The following VEPH1 variants were observed in gnomAD, a reference collection of about 807,000 sequenced individuals.
VEPH1 encodes ventricular zone expressed PH domain containing 1.
In VEPH1, 80 loss-of-function variants were observed where a neutral mutation model predicts 85.2. That is an observed-to-expected ratio of 0.94 (90% CI 0.78 to 1.13). The LOEUF (loss-of-function observed/expected upper bound fraction) is 1.13. Ranked by LOEUF, VEPH1 falls within the 50% of genes most tolerant of loss-of-function variation. The pLI is 0.00. For missense variants in VEPH1, 955 were observed against 980.5 expected, an observed-to-expected ratio of 0.97 and a Z score of 0.35; for synonymous variants, 297 against 348.0, an observed-to-expected ratio of 0.85 and a Z score of 1.63.
chr3:157,271,489 G>T (rs149650305), intron 12 of VEPH1, among the ~76,000 whole-genome samples: 1 of 152,150 alleles, frequency 6.6e-6, no homozygotes, highest in Non-Finnish European at 1.5e-5. Context: ...ACACTCCTCC[G>T]CCTGAAGAGG....
At position 157,261,271 on chromosome 3, in the gene VEPH1, C is replaced by T. The variant is rs1181522325; in HGVS notation, c.2365G>A (p.Glu789Lys). The T allele has an allele frequency of 6.8e-6, 11 of 1,613,552 alleles. No individual in the cohort carries two copies. Among genetic ancestry groups the T allele is most frequent in the Admixed American group, 1.7e-5 (1 of 59,924 alleles). The change falls in exon 14 of 14, where the codon GAA (glutamate) becomes AAA (lysine). Residue 789 changes from glutamate (E) to lysine (K), a missense_variant. Physicochemically the swap from Glu to Lys is moderately conservative, Grantham distance 56 (BLOSUM62 1). Transcript: ENST00000362010. ...TAGGTTTTATTGTCTGTGAAGATTT[C>T]GAAAGCCCGGGGGAGAGAGCGGTCC... ...RRDRSLPRAF[E>K]IFTDNKTYVF... is the part of the protein sequence containing the mutation.
chr3:157,357,017 T>A (rs1262103318), intron 9 of VEPH1, among the ~76,000 whole-genome samples: 1 of 152,202 alleles, frequency 6.6e-6, no homozygotes, highest in Non-Finnish European at 1.5e-5. Context: ...TATTGCTATA[T>A]ACCCTTCTAT....
At chr3:157,379,949 G>A (rs967587835) in intron 7 of VEPH1, among the ~76,000 whole-genome samples, 2 of 152,184 alleles carry the variant, frequency 1.3e-5, no homozygotes, top group Admixed American at 6.5e-5. Flanking sequence ...AGGATCAAAT[G>A]AGATTACATA....
chr3:157,497,379 G>A (rs962119100), intron 1 of VEPH1, among the ~76,000 whole-genome samples: 1 of 152,172 alleles, frequency 6.6e-6, no homozygotes, highest in Non-Finnish European at 1.5e-5. Context: ...CTTTCAGAGG[G>A]AGGTGGAGCA....
chr3:157,275,341 T>G (rs1715241590), intron 12 of VEPH1, among the ~76,000 whole-genome samples: 1 of 152,152 alleles, frequency 6.6e-6, no homozygotes, highest in Admixed American at 6.5e-5. Flanking sequence ...TTTGGGAGGC[T>G]GAGGCGGGTG....
intron 7 of VEPH1, among the ~76,000 whole-genome samples, chr3:157,370,035 C>T (rs1394637339): frequency 1.3e-5 from 2 of 152,222 alleles, no homozygotes; most frequent in South Asian, 2.1e-4. Flanking sequence ...TTCTATAATC[C>T]CCTAAATATT....
chr3:157,281,243 A>C (rs1255748474), intron 12 of VEPH1, among the ~76,000 whole-genome samples: 1 of 152,106 alleles, frequency 6.6e-6, no homozygotes, highest in Admixed American at 6.6e-5. Context: ...GGGGAAAGGG[A>C]GAAAAGGAAG....
intron 2 of VEPH1, among the ~76,000 whole-genome samples, chr3:157,471,822 G>GT (rs1736986775): frequency 6.6e-6 from 1 of 150,880 alleles, no homozygotes; most frequent in Non-Finnish European, 1.5e-5. Flanking sequence ...ATTATTTTTA[G>GT]TTTTTTTGCT....
At chr3:157,292,111 G>T (rs190215616) in intron 11 of VEPH1, among the ~76,000 whole-genome samples, 1 of 152,050 alleles carries the variant, frequency 6.6e-6, no homozygotes, top group African/African-American at 2.4e-5. Flanking sequence ...TTTTCAGATC[G>T]TCTGTTCAGA....
intron 3 of VEPH1, among the ~76,000 whole-genome samples, chr3:157,464,884 T>C (rs1303396686): frequency 6.6e-6 from 1 of 152,244 alleles, no homozygotes; most frequent in Non-Finnish European, 1.5e-5. Context: ...AAAATAGGGT[T>C]CCTTGATTAT....
chr3:157,431,886 T>C (rs1733187122), intron 4 of VEPH1, among the ~76,000 whole-genome samples: 1 of 151,722 alleles, frequency 6.6e-6, no homozygotes, highest in Admixed American at 6.6e-5. Flanking sequence ...CTCACACTGT[T>C]GTCTGGGCTG....
At chr3:157,468,699 T>C (rs1281159387) in intron 3 of VEPH1, among the ~76,000 whole-genome samples, 1 of 152,184 alleles carries the variant, frequency 6.6e-6, no homozygotes. Flanking sequence ...TGAAGAAATA[T>C]ATTATCAAAA....
intron 6 of VEPH1, among the ~76,000 whole-genome samples, chr3:157,406,470 C>A (rs1002470343): frequency 6.6e-6 from 1 of 152,072 alleles, no homozygotes; most frequent in African/African-American, 2.4e-5. Flanking sequence ...TGTAGGCCTG[C>A]CGGATGTCAC....
chr3:157,282,281 C>G (rs931363680), intron 12 of VEPH1, among the ~76,000 whole-genome samples: 1 of 152,068 alleles, frequency 6.6e-6, no homozygotes, highest in African/African-American at 2.4e-5. Flanking sequence ...TCATGGTACA[C>G]CACAGCTTCA....
chr3:157,459,185 G>A (rs1283864022), intron 4 of VEPH1, among the ~76,000 whole-genome samples: 4 of 152,224 alleles, frequency 2.6e-5, no homozygotes, highest in African/African-American at 9.6e-5. Flanking sequence ...AGGGCAGCAC[G>A]GAGTTCCCAG....
At chr3:157,280,529 A>T (rs60201093) in intron 12 of VEPH1, among the ~76,000 whole-genome samples, 10,146 of 152,170 alleles carry the variant, frequency 0.067, 502 homozygotes, top group South Asian at 0.19. Flanking sequence ...TAGGTTACTG[A>T]TCTTAGCTTG....
chr3:157,386,742 C>A (rs1327811595), intron 6 of VEPH1, among the ~76,000 whole-genome samples: 1 of 152,170 alleles, frequency 6.6e-6, no homozygotes, highest in Non-Finnish European at 1.5e-5. Flanking sequence ...TCTTGTCCTG[C>A]AAACGTGTGG....
At chr3:157,438,001 A>C in intron 4 of VEPH1, 1 of 1,438,142 alleles carries the variant, frequency 7.0e-7, no homozygotes, top group Non-Finnish European at 9.2e-7. Flanking sequence ...GCAACCTTCT[A>C]GGGGAAGCTT....
intron 11 of VEPH1, among the ~76,000 whole-genome samples, chr3:157,287,602 T>C (rs938667039): frequency 1.5e-4 from 23 of 152,196 alleles, no homozygotes; most frequent in African/African-American, 5.1e-4. Flanking sequence ...TCTCACTCTG[T>C]TGTCCAGGTT....
Sources: allele counts gnomAD v4.1 joint callset (sites outside exome capture counted in the v4.1 genomes callset), GRCh38; gene constraint gnomAD v4.1.1; transcripts MANE v1.5; gene names NCBI Gene and HGNC (gene_info 2026-07-23, HGNC 2026-07-21).